Variants in PALM2AKAP2 observed in about 807,000 individuals in gnomAD.
The protein encoded by PALM2AKAP2 is PALM2 and AKAP2 fusion.
A neutral mutation model predicts 71.5 loss-of-function variants in PALM2AKAP2; 37 were observed. The observed-to-expected ratio is 0.52, with a 90% CI of 0.40 to 0.68. The LOEUF (loss-of-function observed/expected upper bound fraction) is 0.68, where lower values mean the gene tolerates loss of function less well. Among genes scored for constraint, PALM2AKAP2 ranks in the 30% least tolerant of loss-of-function variants. PALM2AKAP2 has a pLI of 0.00. For synonymous variants in PALM2AKAP2, 468 were observed against 478.8 expected (o/e 0.98, Z 0.29); for missense variants, 1,224 against 1,191.8 (o/e 1.03, Z -0.40).
At position 109,975,464 on chromosome 9, in the gene PALM2AKAP2, A is replaced by G. The variant is rs533405768; in HGVS notation, c.497-40490A>G. ...TGAAGGCCATCTTTTTACTCAGTCT[A>G]CCAATTCAATGCTAATCTCTTTTGG... On this transcript the variant is annotated intron_variant, in intron 6 of 9. Transcript: ENST00000302798. Among the ~76,000 whole-genome samples, 21 of 152,352 alleles carry G rather than the reference A, an allele frequency of 1.4e-4. No individual in the cohort carries two copies. In the South Asian group the frequency reaches 3.7e-3, roughly 27 times the overall value.
At chr9:109,829,649 T>C (rs367843212) in intron 1 of PALM2AKAP2, among the ~76,000 whole-genome samples, 13 of 151,586 alleles carry the variant, frequency 8.6e-5, no homozygotes, top group African/African-American at 3.1e-4. Flanking sequence ...TGCTGTCCTT[T>C]CTCTCTCTTC....
intron 7 of PALM2AKAP2, among the ~76,000 whole-genome samples, chr9:110,040,382 A>G (rs1833490139): frequency 6.6e-6 from 1 of 152,214 alleles, no homozygotes; most frequent in Non-Finnish European, 1.5e-5. Flanking sequence ...AGTTTACGTT[A>G]ATGCTAGGAA....
At chr9:110,092,268 G>T (rs1238604079) in intron 1 of PALM2AKAP2, among the ~76,000 whole-genome samples, 3 of 152,120 alleles carry the variant, frequency 2.0e-5, no homozygotes, top group Non-Finnish European at 4.4e-5. Flanking sequence ...GGAGGTGGAG[G>T]CTGTAGTGAG....
At chr9:110,002,137 T>C (rs1832693374) in intron 6 of PALM2AKAP2, among the ~76,000 whole-genome samples, 1 of 152,208 alleles carries the variant, frequency 6.6e-6, no homozygotes, top group Non-Finnish European at 1.5e-5. Context: ...TTCAGTATGA[T>C]ATTGGCTGTG....
intron 1 of PALM2AKAP2, among the ~76,000 whole-genome samples, chr9:110,117,278 C>A (rs1349743384): frequency 6.6e-6 from 1 of 152,090 alleles, no homozygotes; most frequent in East Asian, 1.9e-4. Flanking sequence ...TGCCACCATG[C>A]CCGGTTCATT....
chr9:109,954,582 G>A (rs575815484), intron 6 of PALM2AKAP2, among the ~76,000 whole-genome samples: 68 of 147,318 alleles, frequency 4.6e-4, no homozygotes, highest in African/African-American at 1.3e-3. Flanking sequence ...TGGGTGCAGC[G>A]CACCAGCATG....
At chr9:109,758,729 C>G (rs1417922874) in intron 1 of PALM2AKAP2, among the ~76,000 whole-genome samples, 1 of 151,960 alleles carries the variant, frequency 6.6e-6, no homozygotes, top group Admixed American at 6.6e-5. Context: ...TCAGCTTCTC[C>G]CAGCTTTAAC....
rs189924468 is a variant in PALM2AKAP2, at chr9:109,884,965, C to T, written c.257+4284C>T. Among the ~76,000 whole-genome samples, 279 of 152,310 alleles carry T rather than the reference C, an allele frequency of 1.8e-3. 3 individuals carry two copies. The highest frequency in any genetic ancestry group is 6.4e-3 in the African/African-American group (266 of 41,572). On this transcript the variant is annotated intron_variant, in intron 3 of 9. Transcript: ENST00000302798. ...AGGATAATGGTATCATAACTCAGAACTTCAAGTGTATGTAGGATCTAGGCC... is the reference window on the plus strand; with the variant it reads ...AGGATAATGGTATCATAACTCAGAATTTCAAGTGTATGTAGGATCTAGGCC...
intron 1 of PALM2AKAP2, among the ~76,000 whole-genome samples, chr9:110,104,059 G>A (rs2118892656): frequency 6.6e-6 from 1 of 152,152 alleles, no homozygotes; most frequent in East Asian, 1.9e-4. Context: ...GGAATCTATT[G>A]AGTGCCCCCC....
chr9:109,968,563 T>C (rs370240710), intron 6 of PALM2AKAP2, among the ~76,000 whole-genome samples: 263 of 152,232 alleles, frequency 1.7e-3, no homozygotes, highest in African/African-American at 6.1e-3. Context: ...TTGGGTTTCA[T>C]TGCACCCTAC....
intron 1 of PALM2AKAP2, among the ~76,000 whole-genome samples, chr9:109,841,520 A>AAAT (rs1355285024): frequency 9.8e-6 from 1 of 102,550 alleles, no homozygotes; most frequent in Non-Finnish European, 1.9e-5. Context: ...TATAATAAAA[A>AAAT]AAAAAAAGAA....
chr9:109,782,212 C>T (rs115045343), intron 1 of PALM2AKAP2, among the ~76,000 whole-genome samples: 2,555 of 152,278 alleles, frequency 0.017, 82 homozygotes, highest in African/African-American at 0.059. Context: ...AGTCGATTTT[C>T]CAAGAAAGAT....
At chr9:110,022,693 G>A (rs1031454179) in intron 7 of PALM2AKAP2, among the ~76,000 whole-genome samples, 70 of 151,444 alleles carry the variant, frequency 4.6e-4, no homozygotes, top group Non-Finnish European at 7.9e-4. Flanking sequence ...TTGTCATTTA[G>A]CATTAGGTGT....
At chr9:110,035,679 TATAACATATATA>T (rs1833387095) in intron 7 of PALM2AKAP2, among the ~76,000 whole-genome samples, 1 of 123,232 alleles carries the variant, frequency 8.1e-6, no homozygotes, top group Non-Finnish European at 1.6e-5. Context: ...GTGTGTTATA[TATAACATATATA>T]GGATATGTTG....
intron 6 of PALM2AKAP2, among the ~76,000 whole-genome samples, chr9:110,014,481 T>C (rs977660432): frequency 2.6e-5 from 4 of 151,900 alleles, no homozygotes; most frequent in African/African-American, 9.7e-5. Flanking sequence ...TTTAAAAATA[T>C]ACACTTGCCA....
Position 109,857,506 on chromosome 9 carries a change from C to T in PALM2AKAP2, c.46-9985C>T, listed in dbSNP as rs1829199402. Among the ~76,000 whole-genome samples the T allele has an allele frequency of 3.3e-5, 5 of 152,158 alleles. No individual in the cohort carries two copies. The South Asian group carries it at 1.0e-3, about 32-fold the overall frequency. On this transcript the variant is annotated intron_variant, in intron 1 of 9. Coordinates refer to the PALM2AKAP2 transcript ENST00000302798. Reference sequence around the variant, plus strand: ...TTTGGAGATTGGAGGGATTTGACATCAAGATGTTTTGCATTTTCAACAGCT... The same window carrying T: ...TTTGGAGATTGGAGGGATTTGACATTAAGATGTTTTGCATTTTCAACAGCT...
chr9:109,901,571 AT>A (rs1830332127), intron 3 of PALM2AKAP2, among the ~76,000 whole-genome samples: 1 of 152,216 alleles, frequency 6.6e-6, no homozygotes, highest in African/African-American at 2.4e-5. Flanking sequence ...AGAATAGCAG[AT>A]TGGAAACAGC....
At chr9:109,785,024 G>C (rs1446614024) in intron 1 of PALM2AKAP2, among the ~76,000 whole-genome samples, 1 of 152,218 alleles carries the variant, frequency 6.6e-6, no homozygotes, top group Non-Finnish European at 1.5e-5. Context: ...CTAACCTTGT[G>C]GGAGGGTGCT....
At chr9:109,917,900 A>G (rs1223552869) in intron 3 of PALM2AKAP2, among the ~76,000 whole-genome samples, 1 of 152,144 alleles carries the variant, frequency 6.6e-6, no homozygotes, top group East Asian at 1.9e-4. Flanking sequence ...AGTGGAAGCT[A>G]GGATACATAA....
Sources: allele counts gnomAD v4.1 joint callset (sites outside exome capture counted in the v4.1 genomes callset), GRCh38; gene constraint gnomAD v4.1.1; transcripts MANE v1.5; gene names NCBI Gene and HGNC (gene_info 2026-07-23, HGNC 2026-07-21).